Variants in PCDHGA2 observed in about 807,000 individuals in gnomAD.
PCDHGA2 encodes the protein protocadherin gamma-A2.
A neutral mutation model predicts 59.2 loss-of-function variants in PCDHGA2; 40 were observed. That is an observed-to-expected ratio of 0.68 (90% CI 0.52 to 0.88). The LOEUF (loss-of-function observed/expected upper bound fraction) is 0.88, where lower values mean the gene tolerates loss of function less well. Ranked by LOEUF, PCDHGA2 falls within the 40% of genes least tolerant of loss-of-function variation. The probability of loss-of-function intolerance (pLI) is 0.00; values close to 1 mark genes in which losing one functional copy is unlikely to be tolerated. For synonymous variants in PCDHGA2, 560 were observed against 526.0 expected, an observed-to-expected ratio of 1.06 and a Z score of -0.89; for missense variants, 1,226 against 1,204.0, an observed-to-expected ratio of 1.02 and a Z score of -0.27.
chr5:141,395,016 G>A (rs772379480), intron 1 of PCDHGA2: 2 of 1,614,068 alleles, frequency 1.2e-6, no homozygotes, highest in Non-Finnish European at 1.7e-6. Flanking sequence ...ATTGGTAGGC[G>A]TGCCTGCCTC....
chr5:141,346,317 G>C lies in PCDHGA2; in HGVS notation c.2424+4922G>C, dbSNP rs774594124. On this transcript the variant is annotated intron_variant, in intron 1 of 3. Transcript: ENST00000394576. ...TTCCCACGAGGTCTCCCTCACTGCG[G>C]ACTCGCGGAAGAGCCACCTGATTTT... 16 of 1,614,090 alleles carry C rather than the reference G, an allele frequency of 9.9e-6. No individual in the cohort carries two copies. The Middle Eastern group carries it at 4.9e-4, about 50-fold the overall frequency.
In PCDHGA2 at chr5:141,487,460, G is replaced by T; in HGVS notation, c.2425-7347G>T. ...AGGGTCAGATGACCCTATCAAGTTT[G>T]TTGATGTGGGAGGCCACTCTCATGG... On this transcript the variant is annotated intron_variant, in intron 1 of 3. Transcript: ENST00000394576. The surrounding 1 kb of genome is among the most constrained non-coding windows in gnomAD (Gnocchi z 5.0). 1 of 1,614,170 alleles carries T rather than the reference G, an allele frequency of 6.2e-7. No individual in the cohort carries two copies. Among genetic ancestry groups the T allele is most frequent in the Non-Finnish European group, 8.5e-7 (1 of 1,180,024 alleles).
chr5:141,398,587 C>T, intron 1 of PCDHGA2: 5 of 1,613,860 alleles, frequency 3.1e-6, no homozygotes, highest in Non-Finnish European at 3.4e-6. Context: ...AAGATTTATA[C>T]TAGAAGTAGC....
chr5:141,384,461 A>G, intron 1 of PCDHGA2: 1 of 1,614,078 alleles, frequency 6.2e-7, no homozygotes, highest in Non-Finnish European at 8.5e-7. Flanking sequence ...CAATCCTTTG[A>G]TTATGAGCAG....
At chr5:141,417,460 A>G (rs1160577617) in intron 1 of PCDHGA2, 1 of 180,404 alleles carries the variant, frequency 5.5e-6, no homozygotes, top group Non-Finnish European at 1.1e-5. Flanking sequence ...GACCAAGTGG[A>G]AATATATTTC....
chr5:141,408,105 G>A (rs566753835), intron 1 of PCDHGA2: 22 of 1,439,788 alleles, frequency 1.5e-5, no homozygotes, highest in Admixed American at 8.2e-5. Context: ...TCCGAGACCC[G>A]GGACTCCTCC....
intron 1 of PCDHGA2, chr5:141,423,612 T>G: frequency 6.2e-7 from 1 of 1,611,004 alleles, no homozygotes; most frequent in Non-Finnish European, 8.5e-7. Flanking sequence ...TCTTGATAGC[T>G]GAAGACTCAG....
intron 1 of PCDHGA2, chr5:141,364,262 CG>C: frequency 1.3e-6 from 2 of 1,504,192 alleles, no homozygotes; most frequent in Non-Finnish European, 1.8e-6. Flanking sequence ...ATGTACCCAT[CG>C]GCTTTAGATA....
Position 141,409,505 on chromosome 5 carries a change from A to G in PCDHGA2, c.2424+68110A>G, listed in dbSNP as rs1361558030. 5.6e-6 allele frequency: 9 copies of G among 1,614,036 alleles called. No homozygotes were observed. In the Middle Eastern group the frequency reaches 4.9e-4, roughly 89 times the overall value. On this transcript the variant is annotated intron_variant, in intron 1 of 3. Coordinates refer to ENST00000394576, the MANE Select transcript of PCDHGA2 (RefSeq NM_018915.4). Reference sequence around the variant, plus strand: ...CAGGGGCAAGCCGCCTCTTTCTTCCAGTAGAAGCATCACCTTGTATGTCGC... The same window carrying G: ...CAGGGGCAAGCCGCCTCTTTCTTCCGGTAGAAGCATCACCTTGTATGTCGC...
chr5:141,345,729 G>C, intron 1 of PCDHGA2: 2 of 1,614,194 alleles, frequency 1.2e-6, no homozygotes, highest in Non-Finnish European at 1.7e-6. Context: ...CCTGTACCCC[G>C]CCCTCCCCAC....
chr5:141,395,748 GA>G (rs1300341557), intron 1 of PCDHGA2: 2 of 152,878 alleles, frequency 1.3e-5, no homozygotes, highest in African/African-American at 4.8e-5. Flanking sequence ...CCTCTTTTCT[GA>G]GCCCTGTTTC....
intron 1 of PCDHGA2, chr5:141,478,463 G>A: frequency 6.2e-7 from 1 of 1,613,424 alleles, no homozygotes; most frequent in South Asian, 1.1e-5. Context: ...CAGTCCACTG[G>A]CCAGCCGCCA....
At chr5:141,434,497 G>A (rs986672351) in intron 1 of PCDHGA2, among the ~76,000 whole-genome samples, 2 of 152,214 alleles carry the variant, frequency 1.3e-5, no homozygotes, top group African/African-American at 4.8e-5. Context: ...CCCGCCCAGG[G>A]CAGAAAACTG....
chr5:141,503,367 C>T (rs1038565489), intron 2 of PCDHGA2, among the ~76,000 whole-genome samples: 5 of 151,908 alleles, frequency 3.3e-5, no homozygotes, highest in African/African-American at 9.7e-5. Flanking sequence ...GAAGCGGAGG[C>T]AGGTGGATCA....
At position 141,508,909 on chromosome 5, in the gene PCDHGA2, G is replaced by A. The variant is rs545345992; in HGVS notation, c.2573-2038G>A. ...GAGGGGAGGGGGCGGGGCGGTGGCG[G>A]ATCTGGCTTCCTTTTGGAGTTAATT... is the stretch of plus-strand genomic sequence containing the variant. On this transcript the variant is annotated intron_variant, in intron 3 of 3. Coordinates refer to ENST00000394576, the MANE Select transcript of PCDHGA2 (RefSeq NM_018915.4). 2.0e-5 allele frequency among the ~76,000 whole-genome samples: 3 copies of A among 152,202 alleles called. No homozygotes were observed. The South Asian group carries it at 6.2e-4, about 32-fold the overall frequency.
At chr5:141,484,620 C>G (rs536622819) in intron 1 of PCDHGA2, among the ~76,000 whole-genome samples, 25 of 151,974 alleles carry the variant, frequency 1.6e-4, no homozygotes, top group African/African-American at 6.0e-4. Flanking sequence ...ACAACACTGG[C>G]TTGAACAAAG....
chr5:141,384,340 A>C (rs970369905), intron 1 of PCDHGA2: 6 of 1,613,856 alleles, frequency 3.7e-6, no homozygotes, highest in South Asian at 1.1e-5. Context: ...GGACCACGAC[A>C]GTGAGGATAA....
intron 1 of PCDHGA2, chr5:141,399,935 A>G (rs2093920920): frequency 1.9e-6 from 3 of 1,612,300 alleles, no homozygotes; most frequent in Non-Finnish European, 2.5e-6. Context: ...CTGTCCTACC[A>G]CGTGCTGCAG....
intron 1 of PCDHGA2, chr5:141,344,367 G>T (rs1168102648): frequency 6.2e-7 from 1 of 1,613,568 alleles, no homozygotes; most frequent in Non-Finnish European, 8.5e-7. Context: ...TCTGGTTGAG[G>T]ATAAATTGAA....
Sources: allele counts gnomAD v4.1 joint callset (sites outside exome capture counted in the v4.1 genomes callset), GRCh38; gene constraint gnomAD v4.1.1; non-coding constraint Gnocchi (gnomAD v3.1); transcripts MANE v1.5; gene names NCBI Gene and HGNC (gene_info 2026-07-23, HGNC 2026-07-21).